Variants in HSD17B12 observed in about 807,000 individuals in gnomAD.
HSD17B12 encodes very-long-chain 3-oxoacyl-CoA reductase.
A neutral mutation model predicts 39.3 loss-of-function variants in HSD17B12; 32 were observed. The ratio of observed to expected loss-of-function variants is 0.81; its 90% CI spans 0.61 to 1.09. The LOEUF (loss-of-function observed/expected upper bound fraction) is 1.09, where lower values mean the gene tolerates loss of function less well. Among genes scored for constraint, HSD17B12 ranks in the 50% least tolerant of loss-of-function variants. The pLI is 0.00. For synonymous variants in HSD17B12, 150 were observed against 146.7 expected (o/e 1.02, Z -0.16); for missense variants, 342 against 382.9 (o/e 0.89, Z 0.89).
At chr11:43,848,828 A>C (rs1249936720) in intron 9 of HSD17B12, among the ~76,000 whole-genome samples, 1 of 152,170 alleles carries the variant, frequency 6.6e-6, no homozygotes, top group Non-Finnish European at 1.5e-5. Context: ...TCCTTTAGGA[A>C]ATCCTTGCAG....
At chr11:43,583,662 TAAGG>T in the HSD17B12 span, among the ~76,000 whole-genome samples, 1 of 150,192 alleles carries the variant, frequency 6.7e-6, no homozygotes, top group African/African-American at 2.5e-5. Context: ...TTGCTTTTGC[TAAGG>T]AAGGAGGGCA....
At chr11:43,707,401 A>G (rs557202247) in intron 1 of HSD17B12, among the ~76,000 whole-genome samples, 14 of 152,350 alleles carry the variant, frequency 9.2e-5, no homozygotes, top group African/African-American at 3.1e-4. Context: ...CGATACGTTG[A>G]CATTTAGACT....
At chr11:43,728,952 A>G (rs1038718113) in intron 1 of HSD17B12, among the ~76,000 whole-genome samples, 3 of 152,170 alleles carry the variant, frequency 2.0e-5, no homozygotes, top group African/African-American at 4.8e-5. Context: ...AAAGATTAGT[A>G]TGCACCATAA....
At chr11:43,589,997 T>A in the HSD17B12 span, among the ~76,000 whole-genome samples, 2 of 152,180 alleles carry the variant, frequency 1.3e-5, no homozygotes, top group African/African-American at 4.8e-5. Context: ...GCATCAGGCA[T>A]GTAGTATGTA....
At chr11:43,605,854 G>A in the HSD17B12 span, among the ~76,000 whole-genome samples, 3 of 152,186 alleles carry the variant, frequency 2.0e-5, no homozygotes, top group African/African-American at 4.8e-5. Context: ...GATAAAAAGC[G>A]GGCATGTGTT....
At chr11:43,671,767 G>T in the HSD17B12 span, among the ~76,000 whole-genome samples, 1 of 152,144 alleles carries the variant, frequency 6.6e-6, no homozygotes, top group African/African-American at 2.4e-5. Flanking sequence ...TTCATACTTA[G>T]AAATGTCAGT....
intron 4 of HSD17B12, among the ~76,000 whole-genome samples, chr11:43,809,523 A>T (rs1386536604): frequency 6.6e-6 from 1 of 152,128 alleles, no homozygotes; most frequent in East Asian, 1.9e-4. Flanking sequence ...CATTTTTTAA[A>T]ATCTCCTTTT....
chr11:43,641,096 G>A, the HSD17B12 span: 1 of 151,826 alleles, frequency 6.6e-6, no homozygotes, highest in South Asian at 2.1e-4. Flanking sequence ...TTAGACGAAA[G>A]AAGTATCATG....
At chr11:43,805,712 C>T (rs1248904912) in intron 4 of HSD17B12, among the ~76,000 whole-genome samples, 1 of 152,104 alleles carries the variant, frequency 6.6e-6, no homozygotes, top group Non-Finnish European at 1.5e-5. Context: ...CAAAACTTCC[C>T]TTTTGTAATA....
At chr11:43,825,646 C>A (rs904626471) in intron 6 of HSD17B12, among the ~76,000 whole-genome samples, 16 of 152,170 alleles carry the variant, frequency 1.1e-4, no homozygotes, top group African/African-American at 3.9e-4. Flanking sequence ...AAGTTAATAG[C>A]TAGTCTTTTA....
chr11:43,693,316 G>A (rs1949879984), intron 1 of HSD17B12, among the ~76,000 whole-genome samples: 1 of 152,198 alleles, frequency 6.6e-6, no homozygotes, highest in Non-Finnish European at 1.5e-5. Context: ...AGGTGATTTA[G>A]TGATAGTGAT....
chr11:43,750,348 TC>T (rs1950454273), intron 1 of HSD17B12, among the ~76,000 whole-genome samples: 1 of 152,184 alleles, frequency 6.6e-6, no homozygotes, highest in Non-Finnish European at 1.5e-5. Flanking sequence ...TCTTAGAGAT[TC>T]ATTCATGTTT....
At chr11:43,557,869 G>T in the HSD17B12 span, among the ~76,000 whole-genome samples, 7 of 152,120 alleles carry the variant, frequency 4.6e-5, no homozygotes, top group South Asian at 2.1e-4. Flanking sequence ...GCTGTAACGG[G>T]GGGGAGCCTG....
At chr11:43,662,425 A>G in the HSD17B12 span, among the ~76,000 whole-genome samples, 3 of 107,352 alleles carry the variant, frequency 2.8e-5, no homozygotes, top group Admixed American at 9.4e-5. Flanking sequence ...GTGTATTTTT[A>G]GTAGAGGCAG....
chr11:43,793,525 A>G (rs911035645), intron 3 of HSD17B12, among the ~76,000 whole-genome samples: 2 of 152,238 alleles, frequency 1.3e-5, no homozygotes, highest in Non-Finnish European at 2.9e-5. Flanking sequence ...TTTTATAGAA[A>G]GAGAAATTTA....
chr11:43,821,920 T>A (rs1408080607), intron 6 of HSD17B12, among the ~76,000 whole-genome samples: 1 of 152,196 alleles, frequency 6.6e-6, no homozygotes, highest in East Asian at 1.9e-4. Context: ...GACTCTTCAC[T>A]CCTTTCCAGA....
At chr11:43,847,158 G>A (rs556998540) in intron 9 of HSD17B12, among the ~76,000 whole-genome samples, 1 of 152,286 alleles carries the variant, frequency 6.6e-6, no homozygotes, top group Non-Finnish European at 1.5e-5. Context: ...AAGAGGTGTT[G>A]CTCTCCGTCA....
At chr11:43,836,916 C>A (rs1052388857) in intron 7 of HSD17B12, among the ~76,000 whole-genome samples, 1 of 152,080 alleles carries the variant, frequency 6.6e-6, no homozygotes, top group African/African-American at 2.4e-5. Context: ...TATAATTAAC[C>A]CATTGACTAC....
rs1172488988 is a variant in HSD17B12, at chr11:43,690,367, T to C, written c.160+9380T>C. ...GTTAAGTAAGGTATTCATACATATA[T>C]ATATATATATATATATATATATATA... On this transcript the variant is annotated intron_variant, in intron 1 of 10. Transcript: ENST00000278353. Among the ~76,000 whole-genome samples the C allele has an allele frequency of 4.6e-3, 64 of 14,064 alleles. 1 individual carries two copies. Among genetic ancestry groups the C allele is most frequent in the African/African-American group, 0.023 (59 of 2,542 alleles). 9.2% of individuals were successfully genotyped at this position (14,064 alleles called of 152,430 possible). A position where few individuals can be genotyped will look rare whatever the true frequency, so the allele number is the denominator to read the frequency against.
Sources: gnomAD v4.1 joint callset for allele counts (sites outside exome capture counted in the v4.1 genomes callset) on GRCh38, gnomAD v4.1.1 for gene constraint, MANE v1.5 for transcripts, NCBI Gene and HGNC (gene_info 2026-07-23, HGNC 2026-07-21) for gene names.